The following FBXO30 variants were observed in gnomAD, a reference collection of about 807,000 sequenced individuals.
FBXO30 encodes F-box only protein 30.
Under a neutral mutation model 58.1 loss-of-function variants are expected in FBXO30, and 21 were observed. The observed-to-expected ratio is 0.36, with a 90% confidence interval of 0.26 to 0.52. FBXO30 has a LOEUF of 0.52. Ranked by LOEUF, FBXO30 falls within the 20% of genes least tolerant of loss-of-function variation. The probability of loss-of-function intolerance (pLI) is 0.93; values close to 1 mark genes in which losing one functional copy is unlikely to be tolerated. For missense variants in FBXO30, 744 were observed against 897.3 expected (o/e 0.83, Z 2.18); for synonymous variants, 309 against 312.4 (o/e 0.99, Z 0.11).
rs1307070578 is a variant in FBXO30 at position 145,794,588 on chromosome 6, A to AT, written c.*5517dup. On this transcript the variant is annotated 3_prime_UTR_variant, in exon 3 of 3. Coordinates refer to ENST00000237281, the MANE Select transcript of FBXO30 (RefSeq NM_032145.5). ...TCTCCATATTTTATTTAAAATACAG[A>AT]TTTTTTAAAAAGTCATCAATTGATA... 1.3e-5 allele frequency: 2 copies of AT among 152,014 alleles called. No individual in the cohort carries two copies. Among genetic ancestry groups the AT allele is most frequent in the African/African-American group, 4.8e-5 (2 of 41,548 alleles). 9.4% of individuals were successfully genotyped at this position (152,014 alleles called of 1,614,324 possible).
rs1777892474 is a variant in FBXO30 at position 145,797,745 on chromosome 6, G to A, written c.*2361C>T. On this transcript the variant is annotated 3_prime_UTR_variant, in exon 3 of 3. Coordinates refer to ENST00000237281, the MANE Select transcript of FBXO30 (RefSeq NM_032145.5). ...AGGCAGTATTGAGGAAGGAGGCAGA[G>A]GACAAAAGTGAATTCAAATACTTCC... 6.6e-6 allele frequency: 1 copy of A among 151,990 alleles called. No homozygotes were observed. The highest frequency in any genetic ancestry group is 2.4e-5 in the African/African-American group (1 of 41,402). 9.4% of individuals were successfully genotyped at this position (151,990 alleles called of 1,614,324 possible). A position where few individuals can be genotyped will look rare whatever the true frequency, so the allele number is the denominator to read the frequency against.
chr6:145,799,255 T>G lies in FBXO30; in HGVS notation c.*851A>C, dbSNP rs1777927301. The stretch of plus-strand genomic sequence containing the variant: ...ACATTTAATAGTCAAGCCCTTTGCA[T>G]TCTGAATATTTGAAATTTACACAAT... On this transcript the variant is annotated 3_prime_UTR_variant, in exon 3 of 3. Transcript: ENST00000237281. 6.6e-6 allele frequency: 1 copy of G among 152,510 alleles called. No homozygotes were observed. Among genetic ancestry groups the G allele is most frequent in the Non-Finnish European group, 1.5e-5 (1 of 67,974 alleles). The allele number at this position is 152,510 out of a possible 1,614,324, so 9.4% of individuals were successfully genotyped here.
intron 2 of FBXO30, among the ~76,000 whole-genome samples, chr6:145,802,270 C>G (rs1347532733): frequency 1.3e-5 from 2 of 152,110 alleles, no homozygotes; most frequent in Non-Finnish European, 1.5e-5. Context: ...CGGGACATAG[C>G]AAGAAAGATG....
chr6:145,805,849 G>C lies in FBXO30; in HGVS notation c.557C>G (p.Thr186Ser). Residue 186 changes from threonine to serine, a missense_variant, in exon 2 of 3, where the codon ACT (threonine) becomes AGT (serine). This residue lies in a region of FBXO30 where 275 missense variants were observed against 262.0 expected (regional missense o/e 1.05). Transcript: ENST00000237281. ...AGCCAAACTTCTGGTTGTTTCTACA[G>C]TAGCTTGATAAAGTGCACCATAAGA... is the stretch of plus-strand genomic sequence containing the variant. ...EESYGALYQA[T>S]VETTRSLAAA... 1 of 1,614,054 alleles carries C rather than the reference G, an allele frequency of 6.2e-7. No individual in the cohort carries two copies. Among genetic ancestry groups the C allele is most frequent in the Non-Finnish European group, 8.5e-7 (1 of 1,179,996 alleles).
rs919017297 is a variant in FBXO30 at position 145,798,355 on chromosome 6, G to A, written c.*1751C>T. 6.6e-6 allele frequency: 1 copy of A among 152,108 alleles called. No individual in the cohort carries two copies. Among genetic ancestry groups the A allele is most frequent in the Admixed American group, 6.6e-5 (1 of 15,230 alleles). The allele number at this position is 152,108 out of a possible 1,614,324, so 9.4% of individuals were successfully genotyped here. A position where few individuals can be genotyped will look rare whatever the true frequency, so the allele number is the denominator to read the frequency against. On this transcript the variant is annotated 3_prime_UTR_variant, in exon 3 of 3. Coordinates refer to ENST00000237281, the MANE Select transcript of FBXO30 (RefSeq NM_032145.5). ...ATTGTTAAGTATCTCATAATCCAGT[G>A]TGGAAATAAGAAGTCTAAATTTAAA...
chr6:145,806,175 A>G lies in FBXO30; in HGVS notation c.231T>C (p.Ala77=). The stretch of plus-strand genomic sequence containing the variant: ...TTGCAGGACACATTTCTAGATGTTC[A>G]GCAACTTTATTTCGGGCCATGGTAA... ...CPFTMARNKV[A]EHLEMCPASV... The change falls in exon 2 of 3, where the codon GCT becomes GCC. Residue 77 remains alanine (A), a synonymous_variant. Coordinates refer to ENST00000237281, the MANE Select transcript of FBXO30 (RefSeq NM_032145.5). The G allele has an allele frequency of 6.2e-7, 1 of 1,614,158 alleles. No individual in the cohort carries two copies. The highest frequency in any genetic ancestry group is 8.5e-7 in the Non-Finnish European group (1 of 1,180,010).
In FBXO30 at chr6:145,814,602, CCGGCCGGCG is replaced by C. The variant is rs1778447556; in HGVS notation, c.-25_-17del. On this transcript the variant is annotated splice_region_variant and 5_prime_UTR_variant, in exon 1 of 3. Transcript: ENST00000237281. Reference sequence around the variant, plus strand: ...TCCCCTGCGGGCCTCCCGTCACTCACCGGCCGGCGCGGCCGAACCGCGGCCCAGGCCCTA... The same window carrying C: ...TCCCCTGCGGGCCTCCCGTCACTCACCGGCCGAACCGCGGCCCAGGCCCTA... The C allele has an allele frequency of 6.6e-6, 1 of 151,988 alleles. No individual in the cohort carries two copies. The highest frequency in any genetic ancestry group is 1.5e-5 in the Non-Finnish European group (1 of 68,044). The allele number at this position is 151,988 out of a possible 1,614,324, so 9.4% of individuals were successfully genotyped here.
chr6:145,800,976 T>C (rs924539401), intron 2 of FBXO30, among the ~76,000 whole-genome samples: 22 of 152,146 alleles, frequency 1.4e-4, no homozygotes, highest in Non-Finnish European at 4.4e-5. Flanking sequence ...AATACTTACC[T>C]GCCATCCCTA....
At chr6:145,809,325 A>G (rs914354655) in intron 1 of FBXO30, among the ~76,000 whole-genome samples, 41 of 152,186 alleles carry the variant, frequency 2.7e-4, no homozygotes, top group African/African-American at 9.7e-4. Context: ...AACTAGACTG[A>G]GTTGATCTCA....
chr6:145,806,237 G>A lies in FBXO30; in HGVS notation c.169C>T (p.Arg57Ter), dbSNP rs1346202827. 9.3e-6 allele frequency: 15 copies of A among 1,613,900 alleles called. No homozygotes were observed. The highest frequency in any genetic ancestry group is 2.7e-5 in the African/African-American group (2 of 74,882). Residue 57 changes from arginine (R) to a stop codon, truncating the protein, a stop_gained, in exon 2 of 3, where the codon CGA becomes TGA. Transcript: ENST00000237281. LOFTEE classifies it high-confidence loss of function. The part of the protein sequence containing the change: ...DEHRLLCPFE[R>*]VPCLNSDFGC... ...AAGTCACTATTTAAGCAAGGCACTC[G>A]TTCAAATGGACATAAAAGTCGATGC...
rs1777948504 is a variant in FBXO30, at chr6:145,800,068, T to C, written c.*38A>G. On this transcript the variant is annotated 3_prime_UTR_variant, in exon 3 of 3. Coordinates refer to ENST00000237281, the MANE Select transcript of FBXO30 (RefSeq NM_032145.5). ...TTCACATATTACAAAGAAATTATACTAGGTGCTTGCATATATGTGCTAGTA... is the reference window on the plus strand; with the variant it reads ...TTCACATATTACAAAGAAATTATACCAGGTGCTTGCATATATGTGCTAGTA... The C allele has an allele frequency of 1.4e-6, 2 of 1,444,530 alleles. No individual in the cohort carries two copies. Among genetic ancestry groups the C allele is most frequent in the African/African-American group, 1.4e-5 (1 of 71,174 alleles). 89.5% of individuals were successfully genotyped at this position (1,444,530 alleles called of 1,614,324 possible).
rs939023606 is a variant in FBXO30, at chr6:145,797,353, T to C, written c.*2753A>G. ...ATTAATAAATTACCATTACTGACTT[T>C]TGGATTACACATATATTTATACAAA... is the stretch of plus-strand genomic sequence containing the variant. On this transcript the variant is annotated 3_prime_UTR_variant, in exon 3 of 3. Transcript: ENST00000237281. 1.3e-5 allele frequency: 2 copies of C among 152,014 alleles called. No homozygotes were observed. Among genetic ancestry groups the C allele is most frequent in the African/African-American group, 4.8e-5 (2 of 41,398 alleles). The allele number at this position is 152,014 out of a possible 1,614,324, so 9.4% of individuals were successfully genotyped here. A position where few individuals can be genotyped will look rare whatever the true frequency, so the allele number is the denominator to read the frequency against.
chr6:145,800,560 A>AAAATCACACCC (rs1777966046), intron 2 of FBXO30, among the ~76,000 whole-genome samples: 1 of 152,282 alleles, frequency 6.6e-6, no homozygotes, highest in Middle Eastern at 3.4e-3. Flanking sequence ...CTCAGTATTA[A>AAAATCACACCC]AAATCACACC....
chr6:145,802,894 C>T (rs1213902857), intron 2 of FBXO30, among the ~76,000 whole-genome samples: 1 of 151,962 alleles, frequency 6.6e-6, no homozygotes, highest in Non-Finnish European at 1.5e-5. Flanking sequence ...AAAAAGCAGC[C>T]AACATAACTC....
chr6:145,799,975 C>T lies in FBXO30; in HGVS notation c.*131G>A. On this transcript the variant is annotated 3_prime_UTR_variant, in exon 3 of 3. Coordinates refer to ENST00000237281, the MANE Select transcript of FBXO30 (RefSeq NM_032145.5). ...CAGTACTTTATAAAAATAGATGTCA[C>T]TTCAAAACATTATATACACAGTGAC... The T allele has an allele frequency of 1.4e-6, 1 of 706,710 alleles. No individual in the cohort carries two copies. Among genetic ancestry groups the T allele is most frequent in the Admixed American group, 3.2e-5 (1 of 30,796 alleles). The allele number at this position is 706,710 out of a possible 1,614,324, so 43.8% of individuals were successfully genotyped here.
Position 145,796,428 on chromosome 6 carries a change from T to C in FBXO30, c.*3678A>G, listed in dbSNP as rs1352882912. On this transcript the variant is annotated 3_prime_UTR_variant, in exon 3 of 3. Transcript: ENST00000237281. ...TAAAGGTATAACTAATATTCTCTGC[T>C]TCCTAGACCTTATGAGCATCTTAAG... 2.6e-5 allele frequency: 4 copies of C among 151,956 alleles called. No individual in the cohort carries two copies. The highest frequency in any genetic ancestry group is 4.4e-5 in the Non-Finnish European group (3 of 67,868). The allele number at this position is 151,956 out of a possible 1,614,324, so 9.4% of individuals were successfully genotyped here. A position where few individuals can be genotyped will look rare whatever the true frequency, so the allele number is the denominator to read the frequency against.
rs866620219 is a variant in FBXO30 at position 145,803,350 on chromosome 6, G to A, written c.2034+1022C>T. 4.6e-5 allele frequency among the ~76,000 whole-genome samples: 7 copies of A among 151,960 alleles called. 1 individual carries two copies. Among genetic ancestry groups the A allele is most frequent in the South Asian group, 2.1e-4 (1 of 4,822 alleles). ...AAATTCCCTTTTGGAAAAAAAAATC[G>A]TGAAACAATTTGTGTGATCATTTAT... On this transcript the variant is annotated intron_variant, in intron 2 of 2. Transcript: ENST00000237281.
intron 2 of FBXO30, among the ~76,000 whole-genome samples, chr6:145,801,280 T>G (rs1777988781): frequency 1.3e-5 from 2 of 152,092 alleles, no homozygotes; most frequent in African/African-American, 4.8e-5. Flanking sequence ...CTGCAGATGC[T>G]TTAGAACAAG....
In FBXO30 at chr6:145,806,361, A is replaced by C; in HGVS notation, c.45T>G (p.Ser15Arg). 1 of 1,613,920 alleles carries C rather than the reference A, an allele frequency of 6.2e-7. No homozygotes were observed. Among genetic ancestry groups the C allele is most frequent in the Non-Finnish European group, 8.5e-7 (1 of 1,179,942 alleles). Residue 15 changes from serine (S) to arginine (R), a missense_variant, in exon 2 of 3, where the codon AGT becomes AGG. Transcript: ENST00000237281. ...LQHSHCVNCV[S>R]RRCMTRPEPG... ...GCTCTGGCCTGGTCATGCACCGTCT[A>C]CTGACACAATTCACACAATGGGAAT... is the stretch of plus-strand genomic sequence containing the variant.
Sources: allele counts gnomAD v4.1 joint callset (sites outside exome capture counted in the v4.1 genomes callset), GRCh38; gene constraint gnomAD v4.1.1; regional missense constraint gnomAD v4.1.1; transcripts MANE v1.5; gene names NCBI Gene and HGNC (gene_info 2026-07-23, HGNC 2026-07-21).